SLC25A25: variants seen among roughly 807,000 people sequenced by gnomAD.
SLC25A25 encodes mitochondrial adenyl nucleotide antiporter SLC25A25.
A neutral mutation model predicts 57.7 loss-of-function variants in SLC25A25; 32 were observed. The ratio of observed to expected loss-of-function variants is 0.55; its 90% CI spans 0.42 to 0.74. The LOEUF (loss-of-function observed/expected upper bound fraction) is 0.74. SLC25A25 is among the 30% of genes least tolerant of loss of function. The probability of loss-of-function intolerance (pLI) is 0.00; values close to 1 mark genes in which losing one functional copy is unlikely to be tolerated. For synonymous variants in SLC25A25, 306 were observed against 291.2 expected, an observed-to-expected ratio of 1.05 and a Z score of -0.52; for missense variants, 556 against 701.3, an observed-to-expected ratio of 0.79 and a Z score of 2.34.
At chr9:128,088,211 T>C (rs1345863235) in intron 1 of SLC25A25, among the ~76,000 whole-genome samples, 1 of 152,220 alleles carries the variant, frequency 6.6e-6, no homozygotes, top group Non-Finnish European at 1.5e-5. Flanking sequence ...TAGGGCTGGC[T>C]TTGCCTCACT....
chr9:128,092,962 G>A (rs1376858629), intron 1 of SLC25A25, among the ~76,000 whole-genome samples: 4 of 152,160 alleles, frequency 2.6e-5, no homozygotes, highest in Admixed American at 6.5e-5. Context: ...CCTCCCTGCT[G>A]TAGGAGTGAC....
intron 1 of SLC25A25, among the ~76,000 whole-genome samples, chr9:128,076,434 CTTTTTT>C (rs1175121070): frequency 0.034 from 5,058 of 146,810 alleles, 255 homozygotes; most frequent in African/African-American, 0.11. Flanking sequence ...CCCAGCCTAA[CTTTTTT>C]TTTATTTTTA....
rs1833775082 is a variant in SLC25A25 at position 128,101,134 on chromosome 9, G to A, written c.300G>A (p.Gln100=). 2 of 1,614,138 alleles carry A rather than the reference G, an allele frequency of 1.2e-6. No homozygotes were observed. Among genetic ancestry groups the A allele is most frequent in the African/African-American group, 1.3e-5 (1 of 74,938 alleles). The change falls in exon 2 of 11, where the codon CAG becomes CAA. Residue 100 remains glutamine, a synonymous_variant. Coordinates refer to ENST00000373069, the MANE Select transcript of SLC25A25 (RefSeq NM_001330988.2). This position sits in a 1 kb window ranked among gnomAD's most constrained non-coding sequence, Gnocchi z 4.9. ...CTGGAGATAAGGACCTTGATGGGCA[G>A]CTAGACTTTGAAGAATTTGTCCATT... ...VQAGDKDLDG[Q]LDFEEFVHYL... is the part of the protein sequence containing the mutation.
At chr9:128,076,463 TTTTTATTTTTA>T (rs755276735) in intron 1 of SLC25A25, among the ~76,000 whole-genome samples, 20,733 of 131,580 alleles carry the variant, frequency 0.16, 1,703 homozygotes, top group South Asian at 0.25. Flanking sequence ...TTTATTTTTA[TTTTTATTTTTA>T]TTTTTTTTTG....
intron 1 of SLC25A25, among the ~76,000 whole-genome samples, chr9:128,088,626 A>G (rs1049702617): frequency 3.3e-5 from 5 of 152,190 alleles, no homozygotes; most frequent in African/African-American, 7.2e-5. Flanking sequence ...TACATTTCTC[A>G]GGAATCAGTG....
At chr9:128,098,733 G>A in intron 1 of SLC25A25, 1 of 1,613,446 alleles carries the variant, frequency 6.2e-7, no homozygotes, top group Non-Finnish European at 8.5e-7. Flanking sequence ...CAGGTCTGTG[G>A]GGTGACCGCG....
At chr9:128,079,295 C>G (rs935358510) in intron 1 of SLC25A25, among the ~76,000 whole-genome samples, 2 of 151,966 alleles carry the variant, frequency 1.3e-5, no homozygotes, top group Admixed American at 1.3e-4. Context: ...ACCTTTCCTC[C>G]TGTCCTCCCT....
rs755638307 is a variant in SLC25A25 at position 128,107,071 on chromosome 9, G to A, written c.1255G>A (p.Ala419Thr). The A allele has an allele frequency of 1.6e-5, 26 of 1,614,026 alleles. No individual in the cohort carries two copies. The highest frequency in any genetic ancestry group is 2.7e-5 in the African/African-American group (2 of 74,926). Residue 419 changes from alanine (A) to threonine (T), a missense_variant, in exon 10 of 11, where the codon GCG becomes ACG. Physicochemically the swap from Ala to Thr is moderately conservative, Grantham distance 58. Around this residue, in one of 3 missense-constraint regions of SLC25A25, gnomAD observed 294 missense variants for 389.6 expected, o/e 0.75. Coordinates refer to ENST00000373069, the MANE Select transcript of SLC25A25 (RefSeq NM_001330988.2). Reference sequence around the variant, plus strand: ...GCTGCAGCACTATGCAGTGAACAGCGCGGACCCCGGCGTGTTTGTGCTCCT... The same window carrying A: ...GCTGCAGCACTATGCAGTGAACAGCACGGACCCCGGCGTGTTTGTGCTCCT... ...AWLQHYAVNS[A>T]DPGVFVLLAC...
rs571994044 is a variant in SLC25A25 at position 128,102,089 on chromosome 9, G to A, written c.486G>A (p.Thr162=). Residue 162 remains threonine, a synonymous_variant, in exon 4 of 11, where the codon ACG becomes ACA. Transcript: ENST00000373069. The surrounding 1 kb of genome is among the most constrained non-coding windows in gnomAD (Gnocchi z 4.1). The part of the protein sequence containing the change: ...QAEKILKRIR[T]GHFWGPVTYM... The stretch of plus-strand genomic sequence containing the variant: ...TTTGTCTGTCTGTCAGAATACGAAC[G>A]GGCCATTTCTGGGGCCCTGTCACCT... 1.5e-5 allele frequency: 24 copies of A among 1,550,442 alleles called. No homozygotes were observed. Among genetic ancestry groups the A allele is most frequent in the Middle Eastern group, 1.7e-4 (1 of 6,014 alleles).
chr9:128,099,283 G>A lies in SLC25A25; in HGVS notation c.262-1813G>A. On this transcript the variant is annotated intron_variant, in intron 1 of 10. Coordinates refer to ENST00000373069, the MANE Select transcript of SLC25A25 (RefSeq NM_001330988.2). The surrounding 1 kb of genome is among the most constrained non-coding windows in gnomAD (Gnocchi z 6.8). ...TTCCCTGCTACCCCCAGTGCCCACT[G>A]TGCACCAAGGGGGATTTGCAGATCC... The A allele has an allele frequency of 7.8e-7, 1 of 1,287,564 alleles. No individual in the cohort carries two copies. Among genetic ancestry groups the A allele is most frequent in the Non-Finnish European group, 1.0e-6 (1 of 987,982 alleles). 79.8% of individuals were successfully genotyped at this position (1,287,564 alleles called of 1,614,324 possible). A position where few individuals can be genotyped will look rare whatever the true frequency, so the allele number is the denominator to read the frequency against.
chr9:128,090,821 A>G (rs1002071127), intron 1 of SLC25A25: 1 of 152,252 alleles, frequency 6.6e-6, no homozygotes, highest in African/African-American at 2.4e-5. Context: ...CAATCAATCA[A>G]TCAATCAATA....
Position 128,084,260 on chromosome 9 carries a change from ATTTTTT to A in SLC25A25, c.261+15695_261+15700del, listed in dbSNP as rs58266648. Among the ~76,000 whole-genome samples, 674 of 140,142 alleles carry A rather than the reference ATTTTTT, an allele frequency of 4.8e-3. 2 individuals carry two copies. The highest frequency in any genetic ancestry group is 5.4e-3 in the East Asian group (26 of 4,776). The allele number at this position is 140,142 out of a possible 152,430, so 91.9% of individuals were successfully genotyped here. On this transcript the variant is annotated intron_variant, in intron 1 of 10. Coordinates refer to ENST00000373069, the MANE Select transcript of SLC25A25 (RefSeq NM_001330988.2). ...CCGACCAGCATTAACATTAAAACAG[ATTTTTT>A]TTTTTTTTTTTTTTGATACAGTCTC...
Position 128,102,256 on chromosome 9 carries a change from C to A in SLC25A25, c.513-114C>A. ...GCTCTTTCTCCTGGGGGCAGAGGCA[C>A]CTCGTGTGGTTTCTGGGCATCCGAA... On this transcript the variant is annotated intron_variant, in intron 4 of 10. Transcript: ENST00000373069. This position sits in a 1 kb window ranked among gnomAD's most constrained non-coding sequence, Gnocchi z 4.1. 7.1e-7 allele frequency: 1 copy of A among 1,403,296 alleles called. No homozygotes were observed. Among genetic ancestry groups the A allele is most frequent in the Admixed American group, 2.0e-5 (1 of 51,184 alleles). 86.9% of individuals were successfully genotyped at this position (1,403,296 alleles called of 1,614,324 possible). A position where few individuals can be genotyped will look rare whatever the true frequency, so the allele number is the denominator to read the frequency against.
Position 128,101,998 on chromosome 9 carries a change from G to A in SLC25A25, c.477-82G>A. 1 of 1,497,494 alleles carries A rather than the reference G, an allele frequency of 6.7e-7. No individual in the cohort carries two copies. Among genetic ancestry groups the A allele is most frequent in the East Asian group, 2.5e-5 (1 of 40,630 alleles). 92.8% of individuals were successfully genotyped at this position (1,497,494 alleles called of 1,614,324 possible). ...GTGCTGTGCCCCTGTCTCTGGGTGT[G>A]TGCTTGCTTCACTAACATGGCTCCG... On this transcript the variant is annotated intron_variant, in intron 3 of 10. Transcript: ENST00000373069. This position sits in a 1 kb window ranked among gnomAD's most constrained non-coding sequence, Gnocchi z 4.9.
chr9:128,106,651 T>C, intron 9 of SLC25A25, 131 bp downstream of exon 9: 1 of 1,175,716 alleles, frequency 8.5e-7, no homozygotes, highest in Admixed American at 2.7e-5. Flanking sequence ...TGCTCTTCTG[T>C]TTACTGCAGC....
chr9:128,092,115 C>T (rs1470031188), intron 1 of SLC25A25: 1 of 1,605,436 alleles, frequency 6.2e-7, no homozygotes, highest in South Asian at 1.1e-5. Flanking sequence ...AGAGGACCTC[C>T]TAGTTTAGGG....
intron 1 of SLC25A25, among the ~76,000 whole-genome samples, chr9:128,069,309 G>A (rs889136003): frequency 6.6e-6 from 1 of 152,242 alleles, no homozygotes; most frequent in African/African-American, 2.4e-5. Flanking sequence ...AGGAAGAGAA[G>A]TGCTGGCCTT....
At chr9:128,077,941 G>T (rs1441816966) in intron 1 of SLC25A25, among the ~76,000 whole-genome samples, 1 of 151,726 alleles carries the variant, frequency 6.6e-6, no homozygotes, top group Non-Finnish European at 1.5e-5. Flanking sequence ...CAGGAAAATT[G>T]CTTGAACCTG....
In SLC25A25 at chr9:128,102,407, G is replaced by T; in HGVS notation, c.550G>T (p.Glu184Ter). 6.2e-6 allele frequency: 10 copies of T among 1,613,980 alleles called. No individual in the cohort carries two copies. Among genetic ancestry groups the T allele is most frequent in the Non-Finnish European group, 8.5e-6 (10 of 1,179,950 alleles). The part of the protein sequence containing the change: ...KNGTMTIDWN[E>*]WRDYHLLHPV... ...CGGCACGATGACCATTGACTGGAAC[G>T]AGTGGAGAGACTACCACCTCCTCCA... Residue 184 changes from glutamate (E) to a stop codon, truncating the protein, a stop_gained, in exon 5 of 11, where the codon GAG (glutamate) becomes TAG (stop). Coordinates refer to ENST00000373069, the MANE Select transcript of SLC25A25 (RefSeq NM_001330988.2). LOFTEE classifies it high-confidence loss of function. This position sits in a 1 kb window ranked among gnomAD's most constrained non-coding sequence, Gnocchi z 4.1.
Sources: allele counts gnomAD v4.1 joint callset (sites outside exome capture counted in the v4.1 genomes callset), GRCh38; gene constraint gnomAD v4.1.1; regional missense constraint gnomAD v4.1.1; non-coding constraint Gnocchi (gnomAD v3.1); transcripts MANE v1.5; gene names NCBI Gene and HGNC (gene_info 2026-07-23, HGNC 2026-07-21).